OR3A3: variants seen among roughly 807,000 people sequenced by gnomAD.
OR3A3 encodes the protein olfactory receptor 3A3.
For synonymous variants in OR3A3, 103 were observed against 163.9 expected (o/e 0.63, Z 2.84); for missense variants, 275 against 391.4 (o/e 0.70, Z 2.51).
At position 3,420,424 on chromosome 17, in the gene OR3A3, C is replaced by T. The variant is rs901909; in HGVS notation, c.-6-156C>T. On this transcript the variant is annotated intron_variant, in intron 2 of 2. Transcript: ENST00000641141. The stretch of plus-strand genomic sequence containing the variant: ...AGAGGGACAAGGTGGTGGTGGCATT[C>T]GGCATCTCAACCAAGAGCAAGGTAA... The T allele has an allele frequency of 1.1e-5, 14 of 1,249,512 alleles. No individual in the cohort carries two copies. The South Asian group carries it at 1.6e-4, about 14-fold the overall frequency. The allele number at this position is 1,249,512 out of a possible 1,614,324, so 77.4% of individuals were successfully genotyped here.
At chr17:3,415,725 G>A (rs1248394306) in intron 2 of OR3A3, among the ~76,000 whole-genome samples, 1 of 148,436 alleles carries the variant, frequency 6.7e-6, no homozygotes, top group Non-Finnish European at 1.5e-5. Flanking sequence ...TGCTTTTAAT[G>A]TTTTTCTATT....
intron 2 of OR3A3, among the ~76,000 whole-genome samples, chr17:3,419,729 CTTTTTT>C (rs564569456): frequency 0.09 from 8,914 of 99,154 alleles, 633 homozygotes; most frequent in African/African-American, 0.24. Context: ...AAAATTCTAT[CTTTTTT>C]TTTTTTTTTT....
At chr17:3,412,979 C>T (rs1323007302) in intron 2 of OR3A3, among the ~76,000 whole-genome samples, 4 of 152,206 alleles carry the variant, frequency 2.6e-5, no homozygotes, top group Non-Finnish European at 5.9e-5. Context: ...CTCTCTTTCT[C>T]TGAAATTGTA....
intron 2 of OR3A3, among the ~76,000 whole-genome samples, chr17:3,414,350 C>A (rs1307247982): frequency 6.6e-6 from 1 of 152,184 alleles, no homozygotes; most frequent in Non-Finnish European, 1.5e-5. Flanking sequence ...GGATGACAGG[C>A]GTGAGCCACC....
At chr17:3,412,905 AAGTCT>A (rs1458030686) in intron 2 of OR3A3, among the ~76,000 whole-genome samples, 1 of 152,212 alleles carries the variant, frequency 6.6e-6, no homozygotes, top group Non-Finnish European at 1.5e-5. Flanking sequence ...TAAGCCAGGA[AAGTCT>A]AGCCCAAATA....
chr17:3,419,882 C>T (rs1203099056), intron 2 of OR3A3, among the ~76,000 whole-genome samples: 2 of 152,140 alleles, frequency 1.3e-5, no homozygotes, highest in South Asian at 2.1e-4. Context: ...TCTCCTGCCT[C>T]AGCCTCCCGA....
intron 2 of OR3A3, among the ~76,000 whole-genome samples, chr17:3,415,375 A>G (rs1222141781): frequency 1.3e-5 from 2 of 151,916 alleles, no homozygotes; most frequent in African/African-American, 4.8e-5. Flanking sequence ...AGCCTGGTCA[A>G]CATGGTGAAA....
chr17:3,423,252 C>T (rs971569144), exon 3 of OR3A3: 3 of 152,210 alleles, frequency 2.0e-5, no homozygotes, highest in Non-Finnish European at 4.4e-5. Flanking sequence ...TGAGCTCTTC[C>T]CTGGGTCTGA....
chr17:3,413,300 G>A (rs569959997), intron 2 of OR3A3, among the ~76,000 whole-genome samples: 1 of 152,154 alleles, frequency 6.6e-6, no homozygotes, highest in Non-Finnish European at 1.5e-5. Flanking sequence ...ACGGAAAGAT[G>A]AGTTCAGCAG....
chr17:3,416,414 A>AT (rs2072392008), intron 2 of OR3A3, among the ~76,000 whole-genome samples: 2 of 151,332 alleles, frequency 1.3e-5, no homozygotes, highest in Admixed American at 6.6e-5. Context: ...TTTAACATAA[A>AT]TTTTTTTCTT....
At chr17:3,420,558 C>G in intron 2 of OR3A3, 22 bp from the exon 3 acceptor site, 2 of 1,561,792 alleles carry the variant, frequency 1.3e-6, no homozygotes, top group Non-Finnish European at 1.7e-6. Context: ...GATACCTCCC[C>G]TGCTGGGACA....
At chr17:3,414,214 G>A (rs1181082947) in intron 2 of OR3A3, among the ~76,000 whole-genome samples, 1 of 152,136 alleles carries the variant, frequency 6.6e-6, no homozygotes, top group Non-Finnish European at 1.5e-5. Context: ...TGGGACTACA[G>A]GTGCCCGCCA....
chr17:3,416,570 G>C (rs1204160900), intron 2 of OR3A3, among the ~76,000 whole-genome samples: 3 of 152,008 alleles, frequency 2.0e-5, no homozygotes, highest in African/African-American at 7.2e-5. Context: ...TTGGAAGCTA[G>C]CTCTTTCTCT....
intron 2 of OR3A3, among the ~76,000 whole-genome samples, chr17:3,415,823 ATTATT>A (rs1200658127): frequency 6.9e-6 from 1 of 145,024 alleles, no homozygotes; most frequent in East Asian, 2.0e-4. Context: ...TATTATTATT[ATTATT>A]ATTATTATTA....
chr17:3,421,628 C>T (rs1387631541), exon 3 of OR3A3: 31 of 1,391,156 alleles, frequency 2.2e-5, no homozygotes, highest in Non-Finnish European at 2.8e-5. Flanking sequence ...ATTTCTATCT[C>T]CTGATGCCTG....
chr17:3,419,444 T>G lies in OR3A3; in HGVS notation c.-6-1136T>G, dbSNP rs183591791. On this transcript the variant is annotated intron_variant, in intron 2 of 2. Coordinates refer to ENST00000641141, the Ensembl canonical transcript of OR3A3. The stretch of plus-strand genomic sequence containing the variant: ...TAGATTCCACATGTAAGTGAAATTG[T>G]CAAATATTTATCTTTCTGTGTCTAG... Among the ~76,000 whole-genome samples the G allele has an allele frequency of 1.4e-4, 21 of 152,364 alleles. 1 individual carries two copies. Among genetic ancestry groups the G allele is most frequent in the Admixed American group, 1.2e-3 (18 of 15,298 alleles).
Position 3,420,971 on chromosome 17 carries a change from T to C in OR3A3, c.386T>C (p.Ile129Thr), listed in dbSNP as rs781387975. Residue 129 changes from isoleucine (I) to threonine (T), a missense_variant, in exon 3 of 3, where the codon ATC becomes ACC. Ile to Thr is a moderately conservative substitution (Grantham distance 89). Coordinates refer to ENST00000641141, the Ensembl canonical transcript of OR3A3. ...ATGGCCTATGACCGACTCCTGGCCA[T>C]CTGCCAGCCCCTCACCTACAGCACC... 5 of 1,613,384 alleles carry C rather than the reference T, an allele frequency of 3.1e-6. No homozygotes were observed. In the South Asian group the frequency reaches 4.4e-5, roughly 14 times the overall value.
chr17:3,419,587 T>A (rs1211653499), intron 2 of OR3A3, among the ~76,000 whole-genome samples: 1 of 152,198 alleles, frequency 6.6e-6, no homozygotes, highest in African/African-American at 2.4e-5. Flanking sequence ...TTTAATCATT[T>A]TACAAAGCAT....
chr17:3,420,515 T>C (rs201193722), intron 2 of OR3A3, 65 bp from the exon 3 acceptor site: 5 of 1,570,080 alleles, frequency 3.2e-6, no homozygotes, highest in Non-Finnish European at 4.3e-6. Flanking sequence ...TGAACATAAA[T>C]GGTTTAAAAT....
Sources: allele counts gnomAD v4.1 joint callset (sites outside exome capture counted in the v4.1 genomes callset), GRCh38; gene constraint gnomAD v4.1.1; transcripts MANE v1.5; gene names NCBI Gene and HGNC (gene_info 2026-07-23, HGNC 2026-07-21).